The following ARHGAP24 variants were observed in gnomAD, a reference collection of about 807,000 sequenced individuals.
ARHGAP24 encodes the protein rho GTPase-activating protein 24.
Under a neutral mutation model 76.4 loss-of-function variants are expected in ARHGAP24, and 50 were observed. The ratio of observed to expected loss-of-function variants is 0.65; its 90% CI spans 0.52 to 0.83. ARHGAP24 has a LOEUF of 0.83. Among genes scored for constraint, ARHGAP24 ranks in the 40% least tolerant of loss-of-function variants. The pLI is 0.00. For synonymous variants in ARHGAP24, 345 were observed against 323.3 expected (o/e 1.07, Z -0.72); for missense variants, 930 against 914.2 (o/e 1.02, Z -0.22).
At chr4:85,528,825 A>T (rs957239551) in intron 1 of ARHGAP24, among the ~76,000 whole-genome samples, 1 of 152,106 alleles carries the variant, frequency 6.6e-6, no homozygotes, top group Admixed American at 6.6e-5. Context: ...TCTGTTGATT[A>T]TAATTATGAT....
chr4:85,490,213 T>G (rs1257826333), intron 1 of ARHGAP24, among the ~76,000 whole-genome samples: 1 of 152,160 alleles, frequency 6.6e-6, no homozygotes, highest in Non-Finnish European at 1.5e-5. Flanking sequence ...TATGCTGAAT[T>G]ACAGTTGGTG....
chr4:85,646,066 GAGTA>G (rs1256619018), intron 2 of ARHGAP24, among the ~76,000 whole-genome samples: 2 of 151,990 alleles, frequency 1.3e-5, no homozygotes, highest in Admixed American at 6.6e-5. Context: ...AAAATAACAA[GAGTA>G]AGTGTTTGTA....
chr4:85,655,395 G>A (rs1161980355), intron 2 of ARHGAP24, among the ~76,000 whole-genome samples: 1 of 152,008 alleles, frequency 6.6e-6, no homozygotes, highest in East Asian at 1.9e-4. Flanking sequence ...AGCTGAATAG[G>A]AATTTTAATT....
At chr4:85,849,958 C>G (rs1731125498) in intron 3 of ARHGAP24, among the ~76,000 whole-genome samples, 1 of 152,064 alleles carries the variant, frequency 6.6e-6, no homozygotes. Context: ...TGATGCTGGC[C>G]TCATAAAATG....
chr4:85,670,753 A>G (rs994592028), intron 2 of ARHGAP24, among the ~76,000 whole-genome samples: 13 of 152,150 alleles, frequency 8.5e-5, no homozygotes, highest in Admixed American at 3.9e-4. Flanking sequence ...TGTACTTTAG[A>G]TCATTTGCAA....
chr4:85,775,237 T>C (rs1246715099), intron 3 of ARHGAP24, among the ~76,000 whole-genome samples: 1 of 152,122 alleles, frequency 6.6e-6, no homozygotes, highest in Non-Finnish European at 1.5e-5. Context: ...GGTAGCATCA[T>C]CCTGAATGAT....
chr4:85,660,120 T>A (rs930717608), intron 2 of ARHGAP24, among the ~76,000 whole-genome samples: 1 of 152,148 alleles, frequency 6.6e-6, no homozygotes. Context: ...TGCAGTTGAG[T>A]GCCTTCAATT....
At chr4:85,874,847 TA>T (rs1732751406) in intron 3 of ARHGAP24, among the ~76,000 whole-genome samples, 1 of 110,944 alleles carries the variant, frequency 9.0e-6, no homozygotes. Flanking sequence ...TATTTTTATA[TA>T]ATTTATATAT....
At chr4:85,726,137 G>A (rs1475297928) in intron 3 of ARHGAP24, among the ~76,000 whole-genome samples, 1 of 152,024 alleles carries the variant, frequency 6.6e-6, no homozygotes, top group Non-Finnish European at 1.5e-5. Flanking sequence ...GTTCTCAGAA[G>A]TGCAATGCTT....
intron 3 of ARHGAP24, among the ~76,000 whole-genome samples, chr4:85,887,169 C>T (rs758081022): frequency 2.6e-5 from 4 of 152,086 alleles, no homozygotes; most frequent in Non-Finnish European, 5.9e-5. Flanking sequence ...GGTGTATTTA[C>T]TGTCATGATG....
chr4:85,966,750 C>T (rs914039895), intron 5 of ARHGAP24, among the ~76,000 whole-genome samples: 4 of 152,066 alleles, frequency 2.6e-5, no homozygotes, highest in African/African-American at 9.7e-5. Flanking sequence ...TCCCTGGAGG[C>T]TGATGGATAT....
intron 2 of ARHGAP24, among the ~76,000 whole-genome samples, chr4:85,572,772 A>G (rs1437758085): frequency 6.6e-6 from 1 of 151,944 alleles, no homozygotes; most frequent in Non-Finnish European, 1.5e-5. Flanking sequence ...CCATCCCCCT[A>G]AAAATGTTTT....
intron 3 of ARHGAP24, among the ~76,000 whole-genome samples, chr4:85,916,753 C>G (rs1168088936): frequency 6.6e-6 from 1 of 152,088 alleles, no homozygotes; most frequent in East Asian, 1.9e-4. Context: ...GTGAACTTGT[C>G]TTGGAAACTA....
chr4:85,488,587 C>T (rs1723239425), intron 1 of ARHGAP24, among the ~76,000 whole-genome samples: 1 of 152,206 alleles, frequency 6.6e-6, no homozygotes, highest in East Asian at 1.9e-4. Flanking sequence ...GGTGATTTGC[C>T]CCAGGACACG....
chr4:85,764,549 C>T (rs1157477556), intron 3 of ARHGAP24, among the ~76,000 whole-genome samples: 1 of 152,076 alleles, frequency 6.6e-6, no homozygotes, highest in African/African-American at 2.4e-5. Context: ...GATTGAGAAG[C>T]AAGATGTGAG....
chr4:85,894,099 TAAA>T (rs11394803), intron 3 of ARHGAP24, among the ~76,000 whole-genome samples: 10 of 131,350 alleles, frequency 7.6e-5, no homozygotes, highest in Non-Finnish European at 1.4e-4. Flanking sequence ...TAGAGTATAA[TAAA>T]AAAAAAAAAA....
chr4:85,527,700 A>G (rs1160753571), intron 1 of ARHGAP24, among the ~76,000 whole-genome samples: 1 of 151,982 alleles, frequency 6.6e-6, no homozygotes, highest in Non-Finnish European at 1.5e-5. Flanking sequence ...TGTTTTTTGT[A>G]TACTCATTCT....
chr4:85,840,480 C>A (rs940759307), intron 3 of ARHGAP24, among the ~76,000 whole-genome samples: 14 of 152,194 alleles, frequency 9.2e-5, no homozygotes, highest in Non-Finnish European at 2.1e-4. Context: ...ACGAGCCCAG[C>A]ATTTTGACTG....
chr4:85,742,021 G>T (rs767642604), intron 3 of ARHGAP24, among the ~76,000 whole-genome samples: 2 of 152,202 alleles, frequency 1.3e-5, no homozygotes, highest in South Asian at 2.1e-4. Context: ...TTGCCAGAGT[G>T]GGGGAGGGAG....
Sources: allele counts gnomAD v4.1 joint callset (sites outside exome capture counted in the v4.1 genomes callset), GRCh38; gene constraint gnomAD v4.1.1; transcripts MANE v1.5; gene names NCBI Gene and HGNC (gene_info 2026-07-23, HGNC 2026-07-21).